The following ACKR3 variants were observed in gnomAD, a reference collection of about 807,000 sequenced individuals.
ACKR3 encodes C-X-C chemokine receptor type 7.
Under a neutral mutation model 22.4 loss-of-function variants are expected in ACKR3, and 6 were observed. The observed-to-expected ratio is 0.27, with a 90% CI of 0.15 to 0.53. The LOEUF (loss-of-function observed/expected upper bound fraction) is 0.53, where lower values mean the gene tolerates loss of function less well. Ranked by LOEUF, ACKR3 falls within the 20% of genes least tolerant of loss-of-function variation. The pLI, the probability that ACKR3 is intolerant of heterozygous loss-of-function variation, is 0.96. For missense variants in ACKR3, 396 were observed against 475.2 expected, an observed-to-expected ratio of 0.83 and a Z score of 1.55; for synonymous variants, 209 against 205.2, an observed-to-expected ratio of 1.02 and a Z score of -0.16.
the ACKR3 span, among the ~76,000 whole-genome samples, chr2:236,560,440 CT>C: frequency 6.7e-6 from 1 of 148,386 alleles, no homozygotes; most frequent in Non-Finnish European, 1.5e-5. Context: ...GTTCGATGAT[CT>C]TTTTTCATAT....
the ACKR3 span, among the ~76,000 whole-genome samples, chr2:236,546,882 C>T: frequency 5.9e-5 from 9 of 152,368 alleles, no homozygotes; most frequent in Admixed American, 5.9e-4. This position sits in a 1 kb window ranked among gnomAD's most constrained non-coding sequence, Gnocchi z 4.9. Flanking sequence ...TTTGGCTTCT[C>T]TCTAAGAGCT....
the ACKR3 span, among the ~76,000 whole-genome samples, chr2:236,558,699 T>C: frequency 6.7e-4 from 102 of 152,358 alleles, no homozygotes; most frequent in African/African-American, 2.4e-3. Flanking sequence ...TAAAGATTCT[T>C]TGTTCTTTAC....
At chr2:236,542,368 G>T in the ACKR3 span, among the ~76,000 whole-genome samples, 2 of 152,184 alleles carry the variant, frequency 1.3e-5, no homozygotes, top group African/African-American at 4.8e-5. Flanking sequence ...CTTTCTGCTG[G>T]TAGGGAGGCA....
chr2:236,540,236 T>C, the ACKR3 span, among the ~76,000 whole-genome samples: 1 of 152,228 alleles, frequency 6.6e-6, no homozygotes, highest in Non-Finnish European at 1.5e-5. Context: ...AATTGTAAAA[T>C]AGTGTCTAAG....
chr2:236,562,776 C>G, the ACKR3 span, among the ~76,000 whole-genome samples: 1 of 152,108 alleles, frequency 6.6e-6, no homozygotes, highest in Admixed American at 6.5e-5. Context: ...AGTGCATTGA[C>G]CAGTTTGGAT....
the ACKR3 span, among the ~76,000 whole-genome samples, chr2:236,537,714 T>A: frequency 6.6e-6 from 1 of 152,352 alleles, no homozygotes; most frequent in South Asian, 2.1e-4. Context: ...CTATTACTTA[T>A]GAGCCAGAAT....
the ACKR3 span, among the ~76,000 whole-genome samples, chr2:236,551,740 T>C: frequency 6.6e-6 from 1 of 152,362 alleles, no homozygotes; most frequent in Admixed American, 6.5e-5. Context: ...TCCTTTTCAG[T>C]GTGAACCAGC....
chr2:236,552,269 G>A, the ACKR3 span, among the ~76,000 whole-genome samples: 1 of 152,176 alleles, frequency 6.6e-6, no homozygotes, highest in Admixed American at 6.5e-5. Flanking sequence ...TGTGTCCTCC[G>A]GGTGGATGTG....
rs1691544890 is a variant in ACKR3, at chr2:236,581,748, A to G, written c.*194A>G. ...CTGTCATTTGGCTGTGCGTGCTGAC[A>G]GTTTTGCAACAGGCAGAGCTGTGTC... is the stretch of plus-strand genomic sequence containing the variant. On this transcript the variant is annotated 3_prime_UTR_variant, in exon 2 of 2. Transcript: ENST00000272928. The surrounding 1 kb of genome is among the most constrained non-coding windows in gnomAD (Gnocchi z 4.4). 1 of 711,312 alleles carries G rather than the reference A, an allele frequency of 1.4e-6. No individual in the cohort carries two copies. Among genetic ancestry groups the G allele is most frequent in the South Asian group, 2.2e-5 (1 of 44,626 alleles). The allele number at this position is 711,312 out of a possible 1,614,324, so 44.1% of individuals were successfully genotyped here. A position where few individuals can be genotyped will look rare whatever the true frequency, so the allele number is the denominator to read the frequency against.
the ACKR3 span, among the ~76,000 whole-genome samples, chr2:236,546,665 C>T: frequency 5.9e-5 from 9 of 152,154 alleles, no homozygotes; most frequent in East Asian, 1.9e-4. The surrounding 1 kb of genome is among the most constrained non-coding windows in gnomAD (Gnocchi z 4.9). Flanking sequence ...GCAGAGAGTG[C>T]GCAGAGCACC....
intron 1 of ACKR3, among the ~76,000 whole-genome samples, chr2:236,573,293 G>A (rs1482417834): frequency 6.6e-6 from 1 of 152,234 alleles, no homozygotes; most frequent in African/African-American, 2.4e-5. Flanking sequence ...CGTAAGCGGG[G>A]CTGGCCTGGT....
rs920639737 is a variant in ACKR3 at position 236,580,520 on chromosome 2, T to C, written c.55T>C (p.Trp19Arg). The change falls in exon 2 of 2, where the codon TGG becomes CGG. Residue 19 changes from tryptophan to arginine, a missense_variant. Coordinates refer to ENST00000272928, the MANE Select transcript of ACKR3 (RefSeq NM_020311.3). The part of the protein sequence containing the change: ...SEPGNFSDIS[W>R]PCNSSDCIVV... ...GCCAGGGAACTTCTCGGACATCAGC[T>C]GGCCATGCAACAGCAGCGACTGCAT... 5 of 1,614,146 alleles carry C rather than the reference T, an allele frequency of 3.1e-6. No homozygotes were observed. The highest frequency in any genetic ancestry group is 4.2e-6 in the Non-Finnish European group (5 of 1,180,040).
upstream of ACKR3, among the ~76,000 whole-genome samples, chr2:236,568,164 T>C (rs895682661): frequency 1.3e-5 from 2 of 152,136 alleles, no homozygotes; most frequent in African/African-American, 2.4e-5. Context: ...TACACTTAGC[T>C]CAGAACGGAT....
the ACKR3 span, among the ~76,000 whole-genome samples, chr2:236,562,232 T>A: frequency 6.6e-6 from 1 of 152,236 alleles, no homozygotes; most frequent in African/African-American, 2.4e-5. Flanking sequence ...GTCAAATGCT[T>A]TATTTTATTA....
chr2:236,572,216 A>T (rs1574973430), intron 1 of ACKR3, among the ~76,000 whole-genome samples: 1 of 152,252 alleles, frequency 6.6e-6, no homozygotes, highest in East Asian at 1.9e-4. Context: ...TTGGAATTGA[A>T]AAAAACAAAA....
the ACKR3 span, among the ~76,000 whole-genome samples, chr2:236,545,257 G>A: frequency 2.0e-5 from 3 of 152,148 alleles, no homozygotes; most frequent in Non-Finnish European, 4.4e-5. The surrounding 1 kb of genome is among the most constrained non-coding windows in gnomAD (Gnocchi z 5.3). Context: ...GGGCTCTGTC[G>A]CCCAAGGGAG....
Position 236,581,342 on chromosome 2 carries a change from C to T in ACKR3, c.877C>T (p.Leu293Phe), listed in dbSNP as rs751828982. Reference protein sequence around the residue: ...IPFTCRLEHALFTALHVTQCL... With the variant: ...IPFTCRLEHAFFTALHVTQCL... ...TTTCACCTGCCGGCTGGAGCACGCC[C>T]TCTTCACGGCCCTGCATGTCACACA... Residue 293 changes from leucine to phenylalanine, a missense_variant, in exon 2 of 2, where the codon CTC (leucine) becomes TTC (phenylalanine). Leu to Phe is a conservative substitution (Grantham distance 22). Coordinates refer to ENST00000272928, the MANE Select transcript of ACKR3 (RefSeq NM_020311.3). The surrounding 1 kb of genome is among the most constrained non-coding windows in gnomAD (Gnocchi z 4.4). The T allele has an allele frequency of 3.7e-5, 60 of 1,614,038 alleles. 1 individual carries two copies. The Middle Eastern group carries it at 8.2e-4, about 22-fold the overall frequency.
the ACKR3 span, among the ~76,000 whole-genome samples, chr2:236,537,187 G>A: frequency 1.3e-5 from 2 of 152,144 alleles, no homozygotes; most frequent in Admixed American, 6.5e-5. Context: ...TGTGGCAAGC[G>A]GTCTACTAAT....
At chr2:236,548,707 A>G in the ACKR3 span, among the ~76,000 whole-genome samples, 1 of 152,208 alleles carries the variant, frequency 6.6e-6, no homozygotes, top group Admixed American at 6.5e-5. This position sits in a 1 kb window ranked among gnomAD's most constrained non-coding sequence, Gnocchi z 4.3. Context: ...TGACTCTCTA[A>G]TGGCAGAGAC....
Sources: gnomAD v4.1 joint callset for allele counts (sites outside exome capture counted in the v4.1 genomes callset) on GRCh38, gnomAD v4.1.1 for gene constraint, Gnocchi (gnomAD v3.1) non-coding constraint, MANE v1.5 for transcripts, NCBI Gene and HGNC (gene_info 2026-07-23, HGNC 2026-07-21) for gene names.